SPTB: variants seen among roughly 807,000 people sequenced by gnomAD.
SPTB encodes the protein spectrin beta chain, erythrocytic.
SPTB carries 45 observed loss-of-function variants against 256.2 expected under a neutral mutation model. The observed-to-expected ratio is 0.18, with a 90% confidence interval of 0.14 to 0.23. The LOEUF (loss-of-function observed/expected upper bound fraction) is 0.23, where lower values mean the gene tolerates loss of function less well. Ranked by LOEUF, SPTB falls within the 10% of genes least tolerant of loss-of-function variation. The pLI is 1.00. For missense variants in SPTB, 2,715 were observed against 3,040.4 expected (o/e 0.89, Z 2.52); for synonymous variants, 1,231 against 1,243.1 (o/e 0.99, Z 0.21).
At position 64,847,331 on chromosome 14, in the gene SPTB, C is replaced by T. The variant is rs17102216; in HGVS notation, c.-51-24186G>A. Among the ~76,000 whole-genome samples the T allele has an allele frequency of 0.031, 4,763 of 152,220 alleles. 257 individuals are homozygous for T. The highest frequency in any genetic ancestry group is 0.11 in the African/African-American group (4,430 of 41,518). On this transcript the variant is annotated intron_variant, in intron 1 of 35. Coordinates refer to ENST00000644917, the MANE Select transcript of SPTB (RefSeq NM_001355436.2). The surrounding 1 kb of genome is among the most constrained non-coding windows in gnomAD (Gnocchi z 5.9). ...CTCCATCCACATGAAAAAGAATGGGCGGAACAAATCAGACAGCCCTCTTCC... is the reference window on the plus strand; with the variant it reads ...CTCCATCCACATGAAAAAGAATGGGTGGAACAAATCAGACAGCCCTCTTCC...
At chr14:64,774,300 C>A in intron 24 of SPTB, 97 bp downstream of exon 24, 1 of 1,456,344 alleles carries the variant, frequency 6.9e-7, no homozygotes, top group South Asian at 1.3e-5. Flanking sequence ...TGGGAAAACT[C>A]TTTCCATTTT....
chr14:64,812,769 A>C (rs2083115502), intron 2 of SPTB, among the ~76,000 whole-genome samples: 1 of 151,420 alleles, frequency 6.6e-6, no homozygotes, highest in Admixed American at 6.6e-5. Flanking sequence ...CTGTCCTTAA[A>C]CCAAACTGTA....
Position 64,826,319 on chromosome 14 carries a change from T to C in SPTB, c.-51-3174A>G, listed in dbSNP as rs1248656143. Reference sequence around the variant, plus strand: ...CTCGGCGTCACCATGTCTCTTTCCATACTGTTACAACGGCCCTTCAAAGGC... The same window carrying C: ...CTCGGCGTCACCATGTCTCTTTCCACACTGTTACAACGGCCCTTCAAAGGC... On this transcript the variant is annotated intron_variant, in intron 1 of 35. Coordinates refer to ENST00000644917, the MANE Select transcript of SPTB (RefSeq NM_001355436.2). This position sits in a 1 kb window ranked among gnomAD's most constrained non-coding sequence, Gnocchi z 4.4. Among the ~76,000 whole-genome samples the C allele has an allele frequency of 1.3e-5, 2 of 152,198 alleles. No homozygotes were observed. Among genetic ancestry groups the C allele is most frequent in the Non-Finnish European group, 2.9e-5 (2 of 68,024 alleles).
In SPTB at chr14:64,786,000, G is replaced by A. The variant is rs571575926; in HGVS notation, c.3562-49C>T. 1.8e-5 allele frequency: 28 copies of A among 1,591,632 alleles called. No individual in the cohort carries two copies. In the South Asian group the frequency reaches 2.4e-4, roughly 14 times the overall value. On this transcript the variant is annotated intron_variant, in intron 16 of 35. Coordinates refer to ENST00000644917, the MANE Select transcript of SPTB (RefSeq NM_001355436.2). This position sits in a 1 kb window ranked among gnomAD's most constrained non-coding sequence, Gnocchi z 4.4. ...AGGCATGAAGACACACGGAGGAGGT[G>A]ATGAGCACACCTCCCAAGTGGGAGC...
chr14:64,834,614 C>T (rs373398670), intron 1 of SPTB, among the ~76,000 whole-genome samples: 11 of 151,738 alleles, frequency 7.2e-5, no homozygotes, highest in Admixed American at 2.0e-4. Context: ...TTTGTAGAGG[C>T]GGTGTTTCAC....
At position 64,824,622 on chromosome 14, in the gene SPTB, G is replaced by A. The variant is rs895222940; in HGVS notation, c.-51-1477C>T. The stretch of plus-strand genomic sequence containing the variant: ...GGCTGTGAGGCAGACCTGTGATGGG[G>A]GTTGACAGCCAGTGAGCTGTGAGGG... On this transcript the variant is annotated intron_variant, in intron 1 of 35. Transcript: ENST00000644917. This position sits in a 1 kb window ranked among gnomAD's most constrained non-coding sequence, Gnocchi z 5.7. 6.6e-6 allele frequency among the ~76,000 whole-genome samples: 1 copy of A among 152,114 alleles called. No homozygotes were observed. The highest frequency in any genetic ancestry group is 1.5e-5 in the Non-Finnish European group (1 of 68,010).
Position 64,777,136 on chromosome 14 carries a change from G to A in SPTB, c.4564-1733C>T, listed in dbSNP as rs2082373111. ...GAAACTTGACCATGACATGAATGACGGGAGGGAGGCAACCACACAGAGATC... is the reference window on the plus strand; with the variant it reads ...GAAACTTGACCATGACATGAATGACAGGAGGGAGGCAACCACACAGAGATC... On this transcript the variant is annotated intron_variant, in intron 22 of 35. Transcript: ENST00000644917. The surrounding 1 kb of genome is among the most constrained non-coding windows in gnomAD (Gnocchi z 4.5). Among the ~76,000 whole-genome samples the A allele has an allele frequency of 6.6e-6, 1 of 152,180 alleles. No individual in the cohort carries two copies.
In SPTB at chr14:64,802,767, C is replaced by G. The variant is rs1314165756; in HGVS notation, c.475-450G>C. On this transcript the variant is annotated intron_variant, in intron 4 of 35. Coordinates refer to ENST00000644917, the MANE Select transcript of SPTB (RefSeq NM_001355436.2). This position sits in a 1 kb window ranked among gnomAD's most constrained non-coding sequence, Gnocchi z 5.1. Reference sequence around the variant, plus strand: ...TCCTGAGGCCCTGTGCCCCAGCAGCCTGCTTCCCTGCCTCAGTCAGCCAAA... The same window carrying G: ...TCCTGAGGCCCTGTGCCCCAGCAGCGTGCTTCCCTGCCTCAGTCAGCCAAA... Among the ~76,000 whole-genome samples, 1 of 152,234 alleles carries G rather than the reference C, an allele frequency of 6.6e-6. No individual in the cohort carries two copies. Among genetic ancestry groups the G allele is most frequent in the Non-Finnish European group, 1.5e-5 (1 of 68,042 alleles).
chr14:64,793,267 A>C lies in SPTB; in HGVS notation c.2396T>G (p.Met799Arg). 6.2e-7 allele frequency: 1 copy of C among 1,607,100 alleles called. No homozygotes were observed. The highest frequency in any genetic ancestry group is 1.1e-5 in the South Asian group (1 of 91,080). Residue 799 changes from methionine (M) to arginine (R), a missense_variant, in exon 14 of 36, where the codon ATG (methionine) becomes AGG (arginine). By Grantham distance (91) the Met-to-Arg change is moderately conservative (BLOSUM62 -1). Transcript: ENST00000644917. This position sits in a 1 kb window ranked among gnomAD's most constrained non-coding sequence, Gnocchi z 7.0. ...CTGGGCCTGCTGCTCCAGGTGCTCC[A>C]TCACCCCACGGCTCTCCTCCAGCTC... ...LEELEESRGVMEHLEQQAQGF... is the reference protein window; with the variant it reads ...LEELEESRGVREHLEQQAQGF...
Position 64,786,455 on chromosome 14 carries a change from G to A in SPTB, c.3510C>T (p.Phe1170=). 1 of 1,614,104 alleles carries A rather than the reference G, an allele frequency of 6.2e-7. No individual in the cohort carries two copies. Among genetic ancestry groups the A allele is most frequent in the Non-Finnish European group, 8.5e-7 (1 of 1,180,026 alleles). The part of the protein sequence containing the change: ...RSHTLAQCLG[F]QEFQKDAKQA... ...GCTTGGCATCTTTCTGGAACTCCTG[G>A]AAGCCAAGGCACTGAGCGAGGGTGT... Residue 1170 remains phenylalanine, a synonymous_variant, in exon 16 of 36, where the codon TTC becomes TTT. Transcript: ENST00000644917. This position sits in a 1 kb window ranked among gnomAD's most constrained non-coding sequence, Gnocchi z 5.6.
rs2082994111 is a variant in SPTB, at chr14:64,806,857, A to G, written c.149-1767T>C. 7.4e-6 allele frequency among the ~76,000 whole-genome samples: 1 copy of G among 135,942 alleles called. No individual in the cohort carries two copies. The highest frequency in any genetic ancestry group is 3.1e-5 in the African/African-American group (1 of 31,992). 89.2% of individuals were successfully genotyped at this position (135,942 alleles called of 152,430 possible). On this transcript the variant is annotated intron_variant, in intron 2 of 35. Coordinates refer to ENST00000644917, the MANE Select transcript of SPTB (RefSeq NM_001355436.2). This position sits in a 1 kb window ranked among gnomAD's most constrained non-coding sequence, Gnocchi z 4.1. Reference sequence around the variant, plus strand: ...TAAATAAGACTTCCAAGAAGAGGAAAAGTACTACTACTGACTGTGAATCCT... The same window carrying G: ...TAAATAAGACTTCCAAGAAGAGGAAGAGTACTACTACTGACTGTGAATCCT...
intron 1 of SPTB, among the ~76,000 whole-genome samples, chr14:64,879,013 G>A (rs1483532749): frequency 1.3e-5 from 2 of 152,148 alleles, no homozygotes; most frequent in Non-Finnish European, 2.9e-5. Flanking sequence ...TGGGAGTTGG[G>A]GATTGTTTTA....
Position 64,795,095 on chromosome 14 carries a change from A to C in SPTB, c.1644+242T>G, listed in dbSNP as rs1203839949. The stretch of plus-strand genomic sequence containing the variant: ...GAAGGTTGGCACCGGTGCTGCCACA[A>C]ACCCAAGATTTCTCGGTCACCAGGG... On this transcript the variant is annotated intron_variant, in intron 12 of 35. Transcript: ENST00000644917. This position sits in a 1 kb window ranked among gnomAD's most constrained non-coding sequence, Gnocchi z 6.5. Among the ~76,000 whole-genome samples, 2 of 152,158 alleles carry C rather than the reference A, an allele frequency of 1.3e-5. No homozygotes were observed.
intron 2 of SPTB, among the ~76,000 whole-genome samples, chr14:64,809,586 C>T (rs1373951400): frequency 6.6e-6 from 1 of 152,092 alleles, no homozygotes; most frequent in Non-Finnish European, 1.5e-5. Context: ...ACCTCGTGAT[C>T]CACCCACCTT....
In SPTB at chr14:64,826,488, A is replaced by C. The variant is rs1278669881; in HGVS notation, c.-51-3343T>G. Among the ~76,000 whole-genome samples, 1 of 152,198 alleles carries C rather than the reference A, an allele frequency of 6.6e-6. No homozygotes were observed. The highest frequency in any genetic ancestry group is 1.5e-5 in the Non-Finnish European group (1 of 68,048). On this transcript the variant is annotated intron_variant, in intron 1 of 35. Coordinates refer to ENST00000644917, the MANE Select transcript of SPTB (RefSeq NM_001355436.2). This position sits in a 1 kb window ranked among gnomAD's most constrained non-coding sequence, Gnocchi z 4.4. ...CTTAGAGATGAGATGATCTGGTCTCATTTTCAAAGATATAAGTCATCTGCA... is the reference window on the plus strand; with the variant it reads ...CTTAGAGATGAGATGATCTGGTCTCCTTTTCAAAGATATAAGTCATCTGCA...
At chr14:64,839,746 C>T (rs549275206) in intron 1 of SPTB, among the ~76,000 whole-genome samples, 1 of 152,212 alleles carries the variant, frequency 6.6e-6, no homozygotes, top group South Asian at 2.1e-4. Context: ...TTTTCTTGAG[C>T]AAGGTTCTAT....
At position 64,806,572 on chromosome 14, in the gene SPTB, G is replaced by A. The variant is rs2082988021; in HGVS notation, c.149-1482C>T. Among the ~76,000 whole-genome samples the A allele has an allele frequency of 6.6e-6, 1 of 152,218 alleles. No homozygotes were observed. The highest frequency in any genetic ancestry group is 1.5e-5 in the Non-Finnish European group (1 of 68,038). ...AGTTCTGCCTCAAGGGTAGAATCCT[G>A]GCAGTTCCTGAGGCTTGCTGCATCA... On this transcript the variant is annotated intron_variant, in intron 2 of 35. Coordinates refer to ENST00000644917, the MANE Select transcript of SPTB (RefSeq NM_001355436.2). The surrounding 1 kb of genome is among the most constrained non-coding windows in gnomAD (Gnocchi z 4.1).
chr14:64,867,899 G>A (rs943281933), intron 1 of SPTB, among the ~76,000 whole-genome samples: 25 of 150,450 alleles, frequency 1.7e-4, no homozygotes, highest in African/African-American at 5.9e-4. Flanking sequence ...GTTCATGGCT[G>A]AGGAAAGAGA....
chr14:64,757,877 C>T (rs903417171), intron 32 of SPTB, among the ~76,000 whole-genome samples: 3 of 152,292 alleles, frequency 2.0e-5, no homozygotes, highest in East Asian at 1.9e-4. Context: ...AGCTCTCAGA[C>T]GGAGCTGGCC....
Sources: allele counts gnomAD v4.1 joint callset (sites outside exome capture counted in the v4.1 genomes callset), GRCh38; gene constraint gnomAD v4.1.1; non-coding constraint Gnocchi (gnomAD v3.1); transcripts MANE v1.5; gene names NCBI Gene and HGNC (gene_info 2026-07-23, HGNC 2026-07-21).